The following ERI1 variants were observed in gnomAD, a reference collection of about 807,000 sequenced individuals.
ERI1 encodes the protein 3'-5' exoribonuclease 1.
A neutral mutation model predicts 39.7 loss-of-function variants in ERI1; 39 were observed. That is an observed-to-expected ratio of 0.98 (90% CI 0.76 to 1.28). ERI1 has a LOEUF of 1.28. Among genes scored for constraint, ERI1 ranks in the 50% most tolerant of loss-of-function variants. The pLI, the probability that ERI1 is intolerant of heterozygous loss-of-function variation, is 0.00. For synonymous variants in ERI1, 204 were observed against 149.6 expected, an observed-to-expected ratio of 1.36 and a Z score of -2.65; for missense variants, 581 against 416.9, an observed-to-expected ratio of 1.39 and a Z score of -3.43.
intron 5 of ERI1, among the ~76,000 whole-genome samples, chr8:9,020,039 T>A (rs1209006521): frequency 6.6e-6 from 1 of 152,182 alleles, no homozygotes; most frequent in Non-Finnish European, 1.5e-5. Flanking sequence ...CCATGCTAAG[T>A]CTGGCAGTAA....
intron 6 of ERI1, among the ~76,000 whole-genome samples, chr8:9,027,318 A>G (rs1051245857): frequency 5.3e-5 from 8 of 152,044 alleles, no homozygotes; most frequent in African/African-American, 1.9e-4. Flanking sequence ...GTCTATTCAG[A>G]TTCTTTCCTC....
intron 3 of ERI1, among the ~76,000 whole-genome samples, chr8:9,040,094 C>CT (rs1420654424): frequency 1.3e-5 from 2 of 152,130 alleles, no homozygotes; most frequent in Non-Finnish European, 2.9e-5. Context: ...GAAAAAGTAA[C>CT]TTAGAAGAAC....
chr8:9,010,123 C>T (rs1054946300), intron 2 of ERI1, among the ~76,000 whole-genome samples: 7 of 152,180 alleles, frequency 4.6e-5, no homozygotes, highest in Admixed American at 1.3e-4. Flanking sequence ...TAGAGAGAAT[C>T]ATATTCTGAA....
intron 3 of ERI1, among the ~76,000 whole-genome samples, chr8:9,054,948 T>G (rs1798459999): frequency 6.6e-6 from 1 of 151,938 alleles, no homozygotes; most frequent in South Asian, 2.1e-4. Context: ...AATAAATAAA[T>G]AAAATCAACA....
At chr8:9,048,967 C>G (rs1798266504) in intron 3 of ERI1, among the ~76,000 whole-genome samples, 1 of 151,902 alleles carries the variant, frequency 6.6e-6, no homozygotes, top group Non-Finnish European at 1.5e-5. Context: ...CTTTATGCAC[C>G]CAGTCCAGGA....
At chr8:9,071,714 A>C (rs1316014610) in intron 3 of ERI1, among the ~76,000 whole-genome samples, 2 of 152,176 alleles carry the variant, frequency 1.3e-5, no homozygotes, top group East Asian at 1.9e-4. Context: ...TAGCACCTTC[A>C]TCACACCTTT....
chr8:9,080,269 A>G (rs1799329357), intron 3 of ERI1, among the ~76,000 whole-genome samples: 1 of 152,144 alleles, frequency 6.6e-6, no homozygotes, highest in Non-Finnish European at 1.5e-5. Context: ...CCTCAGATCA[A>G]AGTCCATTTA....
At chr8:9,016,068 A>G (rs995901382) in intron 3 of ERI1, among the ~76,000 whole-genome samples, 26 of 152,218 alleles carry the variant, frequency 1.7e-4, no homozygotes, top group Non-Finnish European at 7.3e-5. Flanking sequence ...TTCCTCAGGA[A>G]AATAATTAAA....
intron 3 of ERI1, among the ~76,000 whole-genome samples, chr8:9,041,027 G>T (rs1179096272): frequency 6.6e-6 from 1 of 152,202 alleles, no homozygotes; most frequent in African/African-American, 2.4e-5. Context: ...TTTCAGTGCA[G>T]ACAGCTGAGC....
intron 2 of ERI1, chr8:9,008,981 T>C: frequency 4.4e-6 from 2 of 456,306 alleles, no homozygotes; most frequent in Non-Finnish European, 8.8e-6. Flanking sequence ...TACATCATAA[T>C]GTATGAAGAA....
chr8:9,020,617 A>G (rs1817781520), intron 6 of ERI1, among the ~76,000 whole-genome samples, 153 bp downstream of exon 6: 1 of 152,174 alleles, frequency 6.6e-6, no homozygotes, highest in East Asian at 1.9e-4. Flanking sequence ...CTTATGTTCA[A>G]ATTAGATAAG....
intron 3 of ERI1, among the ~76,000 whole-genome samples, chr8:9,077,052 A>T (rs1011207237): frequency 1.3e-5 from 2 of 152,218 alleles, no homozygotes; most frequent in African/African-American, 4.8e-5. Context: ...CCTCATACGC[A>T]TGCCAGTGTT....
downstream of ERI1, among the ~76,000 whole-genome samples, chr8:9,037,922 A>G (rs1797903995): frequency 6.7e-6 from 1 of 150,272 alleles, no homozygotes; most frequent in African/African-American, 2.4e-5. Context: ...TGCTCCAAGT[A>G]TCTTTGGCCT....
Position 9,031,345 on chromosome 8 carries a change from T to C in ERI1, c.*1311T>C, listed in dbSNP as rs1185492720. ...GCAGTAGATTTCTTAAGCCAATGAA[T>C]TTCTGCTTTTCAGCAGTAGTCATAT... On this transcript the variant is annotated 3_prime_UTR_variant, in exon 7 of 7. Transcript: ENST00000250263. The C allele has an allele frequency of 6.6e-6, 1 of 152,234 alleles. No homozygotes were observed. The highest frequency in any genetic ancestry group is 1.5e-5 in the Non-Finnish European group (1 of 68,040). 9.4% of individuals were successfully genotyped at this position (152,234 alleles called of 1,614,324 possible). A position where few individuals can be genotyped will look rare whatever the true frequency, so the allele number is the denominator to read the frequency against.
chr8:9,035,900 G>C (rs1289281392), downstream of ERI1, among the ~76,000 whole-genome samples: 1 of 152,176 alleles, frequency 6.6e-6, no homozygotes, highest in African/African-American at 2.4e-5. Context: ...AACCTTAACA[G>C]GAATTTGCAA....
At chr8:9,017,542 G>T (rs923494887) in intron 4 of ERI1, among the ~76,000 whole-genome samples, 1 of 152,152 alleles carries the variant, frequency 6.6e-6, no homozygotes, top group African/African-American at 2.4e-5. Context: ...GTGTTTTATT[G>T]CGGTGTTGTG....
chr8:9,051,340 T>C (rs1221481484), intron 3 of ERI1, among the ~76,000 whole-genome samples: 2 of 151,834 alleles, frequency 1.3e-5, no homozygotes, highest in Non-Finnish European at 2.9e-5. Flanking sequence ...GCTAACATGC[T>C]CAAATTGGAG....
Position 9,030,046 on chromosome 8 carries a change from T to G in ERI1, c.*12T>G, listed in dbSNP as rs1190249215. On this transcript the variant is annotated 3_prime_UTR_variant, in exon 7 of 7. Transcript: ENST00000250263. ...ATTTTAGAAAGTAACAACAGTTTTG[T>G]GTGTGGATCATTCCAATTGAAGTTG... 1 of 1,611,480 alleles carries G rather than the reference T, an allele frequency of 6.2e-7. No individual in the cohort carries two copies. The highest frequency in any genetic ancestry group is 1.1e-5 in the South Asian group (1 of 91,020).
chr8:9,009,782 C>T (rs908276838), intron 2 of ERI1, among the ~76,000 whole-genome samples: 1 of 152,138 alleles, frequency 6.6e-6, no homozygotes, highest in African/African-American at 2.4e-5. Flanking sequence ...AAGTGATTCA[C>T]CCCCCTCCCA....
Sources: gnomAD v4.1 joint callset for allele counts (sites outside exome capture counted in the v4.1 genomes callset) on GRCh38, gnomAD v4.1.1 for gene constraint, MANE v1.5 for transcripts, NCBI Gene and HGNC (gene_info 2026-07-23, HGNC 2026-07-21) for gene names.